Variants in USH2A observed in about 807,000 individuals in gnomAD.
The protein encoded by USH2A is Usher syndrome 2A (autosomal recessive, mild).
In USH2A, 443 loss-of-function variants were observed where a neutral mutation model predicts 538.9. The observed-to-expected ratio is 0.82, with a 90% CI of 0.76 to 0.89. The LOEUF (loss-of-function observed/expected upper bound fraction) is 0.89. USH2A is among the 40% of genes least tolerant of loss of function. USH2A has a pLI of 0.00. For synonymous variants in USH2A, 2,413 were observed against 2,273.5 expected, an observed-to-expected ratio of 1.06 and a Z score of -1.75; for missense variants, 6,633 against 6,324.8, an observed-to-expected ratio of 1.05 and a Z score of -1.65.
intron 41 of USH2A, chr1:215,886,449 A>T (rs994220399): frequency 6.6e-6 from 1 of 152,250 alleles, no homozygotes; most frequent in African/African-American, 2.4e-5. Flanking sequence ...AATAGTATAT[A>T]GCATTAAATA....
Position 215,954,693 on chromosome 1 carries a change from A to T in USH2A, c.7120+10624T>A, listed in dbSNP as rs201099492. Among the ~76,000 whole-genome samples, 8 of 152,184 alleles carry T rather than the reference A, an allele frequency of 5.3e-5. No homozygotes were observed. In the East Asian group the frequency reaches 1.5e-3, roughly 29 times the overall value. ...ACTAACCTGCACATTGTGCACATGTACCCTAAAACTTGAAGTATAATAATA... is the reference window on the plus strand; with the variant it reads ...ACTAACCTGCACATTGTGCACATGTTCCCTAAAACTTGAAGTATAATAATA... On this transcript the variant is annotated intron_variant, in intron 37 of 71. Transcript: ENST00000307340.
chr1:215,735,621 A>G (rs1194068190), intron 60 of USH2A, among the ~76,000 whole-genome samples: 2 of 152,200 alleles, frequency 1.3e-5, no homozygotes, highest in Non-Finnish European at 2.9e-5. Flanking sequence ...TATTTAAAAG[A>G]ATCACTGATA....
chr1:216,165,219 T>G, intron 21 of USH2A, among the ~76,000 whole-genome samples: 1 of 152,162 alleles, frequency 6.6e-6, no homozygotes, highest in Admixed American at 6.6e-5. Context: ...ACTGTCATCT[T>G]AAACCTATTG....
intron 70 of USH2A, among the ~76,000 whole-genome samples, chr1:215,633,430 C>T (rs1413677380): frequency 6.6e-6 from 1 of 152,168 alleles, no homozygotes. Context: ...TCCCAACACT[C>T]CTGCTACTTA....
chr1:216,216,864 T>A (rs1040682461), intron 15 of USH2A, among the ~76,000 whole-genome samples: 1 of 152,042 alleles, frequency 6.6e-6, no homozygotes, highest in Non-Finnish European at 1.5e-5. Context: ...GGATGAATAA[T>A]ATGCGTGACG....
chr1:216,278,899 C>T (rs1250184316), intron 11 of USH2A, among the ~76,000 whole-genome samples: 3 of 152,068 alleles, frequency 2.0e-5, no homozygotes, highest in Non-Finnish European at 2.9e-5. Flanking sequence ...ATATTCTGTT[C>T]AAATTTTAAA....
chr1:216,117,051 C>T (rs2033024594), intron 21 of USH2A, among the ~76,000 whole-genome samples: 1 of 152,110 alleles, frequency 6.6e-6, no homozygotes, highest in African/African-American at 2.4e-5. Context: ...TTACCCCAGG[C>T]TATTTTATTT....
intron 61 of USH2A, among the ~76,000 whole-genome samples, chr1:215,719,403 A>G (rs1204092259): frequency 1.3e-5 from 2 of 150,390 alleles, no homozygotes; most frequent in African/African-American, 2.4e-5. Flanking sequence ...TGCTTCAGGC[A>G]GTTTAGAAAG....
chr1:215,665,588 A>G (rs575085883), intron 64 of USH2A, among the ~76,000 whole-genome samples: 1 of 152,206 alleles, frequency 6.6e-6, no homozygotes, highest in South Asian at 2.1e-4. Flanking sequence ...CCCCAAAGGT[A>G]AAAACCAAAA....
intron 30 of USH2A, among the ~76,000 whole-genome samples, chr1:216,066,271 C>A (rs1351760023): frequency 6.6e-6 from 1 of 151,956 alleles, no homozygotes; most frequent in Non-Finnish European, 1.5e-5. Flanking sequence ...GAAATCGAGA[C>A]CATCCTGGCT....
intron 47 of USH2A, among the ~76,000 whole-genome samples, chr1:215,827,548 G>A (rs1174781725): frequency 6.6e-6 from 1 of 151,920 alleles, no homozygotes; most frequent in East Asian, 1.9e-4. Flanking sequence ...TTCTATTAAG[G>A]TCTCCTTAAA....
At chr1:216,126,858 T>G (rs1027948302) in intron 21 of USH2A, among the ~76,000 whole-genome samples, 25 of 152,188 alleles carry the variant, frequency 1.6e-4, no homozygotes, top group African/African-American at 5.8e-4. Context: ...ATTGTTTCTA[T>G]TGTATTGTTT....
At chr1:215,836,679 C>T (rs1211846147) in intron 47 of USH2A, among the ~76,000 whole-genome samples, 1 of 141,612 alleles carries the variant, frequency 7.1e-6, no homozygotes, top group African/African-American at 2.6e-5. Context: ...GCCTCAGCCT[C>T]CCGAGTAGCT....
intron 59 of USH2A, among the ~76,000 whole-genome samples, chr1:215,742,198 G>T (rs1660324175): frequency 6.6e-6 from 1 of 152,146 alleles, no homozygotes; most frequent in African/African-American, 2.4e-5. Context: ...GATGAGTTCA[G>T]CAGAGCAAAA....
At chr1:216,270,501 C>A (rs1322042089) in intron 11 of USH2A, among the ~76,000 whole-genome samples, 2 of 152,026 alleles carry the variant, frequency 1.3e-5, no homozygotes, top group African/African-American at 4.8e-5. Flanking sequence ...AGAATTTATT[C>A]TTTCACATTG....
intron 4 of USH2A, among the ~76,000 whole-genome samples, chr1:216,359,097 T>C (rs1424755600): frequency 6.6e-6 from 1 of 152,182 alleles, no homozygotes; most frequent in Admixed American, 6.6e-5. Flanking sequence ...GATTATGCAT[T>C]ATACTAATTA....
chr1:216,065,796 C>T (rs1186031123), intron 30 of USH2A, among the ~76,000 whole-genome samples: 1 of 151,980 alleles, frequency 6.6e-6, no homozygotes, highest in Non-Finnish European at 1.5e-5. Context: ...ACTTGGGAGG[C>T]CAAGGCAGGA....
At chr1:215,741,695 A>C (rs898544982) in intron 59 of USH2A, among the ~76,000 whole-genome samples, 158 bp from the exon 60 acceptor site, 1 of 152,186 alleles carries the variant, frequency 6.6e-6, no homozygotes, top group African/African-American at 2.4e-5. Flanking sequence ...ATGGGATTTG[A>C]ACATTTAAAT....
rs183502600 is a variant in USH2A at position 216,415,966 on chromosome 1, A to G, written c.651+2548T>C. On this transcript the variant is annotated intron_variant, in intron 3 of 71. Transcript: ENST00000307340. ...GATCACCTGAGGTCAGGAATTCGAG[A>G]CCAGCCTGGCCAACAATGGTGAAAC... Among the ~76,000 whole-genome samples, 429 of 152,168 alleles carry G rather than the reference A, an allele frequency of 2.8e-3. 1 individual carries two copies. Among genetic ancestry groups the G allele is most frequent in the African/African-American group, 1.0e-2 (415 of 41,550 alleles).
Sources: gnomAD v4.1 joint callset for allele counts (sites outside exome capture counted in the v4.1 genomes callset) on GRCh38, gnomAD v4.1.1 for gene constraint, MANE v1.5 for transcripts, NCBI Gene and HGNC (gene_info 2026-07-23, HGNC 2026-07-21) for gene names.